MRPL13: variants seen among roughly 807,000 people sequenced by gnomAD.
The protein encoded by MRPL13 is large ribosomal subunit protein uL13m.
A neutral mutation model predicts 29.0 loss-of-function variants in MRPL13; 33 were observed. The observed-to-expected ratio is 1.14, with a 90% CI of 0.86 to 1.52. The LOEUF (loss-of-function observed/expected upper bound fraction) is 1.52. MRPL13 is among the 40% of genes most tolerant of loss of function. The pLI is 0.00. For synonymous variants in MRPL13, 77 were observed against 68.4 expected, an observed-to-expected ratio of 1.13 and a Z score of -0.62; for missense variants, 227 against 216.7, an observed-to-expected ratio of 1.05 and a Z score of -0.30.
intron 2 of MRPL13, among the ~76,000 whole-genome samples, chr8:120,432,554 T>C (rs1813007311): frequency 6.6e-6 from 1 of 152,226 alleles, no homozygotes; most frequent in South Asian, 2.1e-4. Context: ...AAAAAGTATG[T>C]TTTACCTACA....
chr8:120,415,286 C>T (rs891865325), intron 5 of MRPL13: 1 of 151,954 alleles, frequency 6.6e-6, no homozygotes, highest in Non-Finnish European at 1.5e-5. Context: ...AGATATAATT[C>T]CCTCTTCTCA....
At chr8:120,399,424 C>A (rs1267290269) in intron 6 of MRPL13, among the ~76,000 whole-genome samples, 8 of 152,096 alleles carry the variant, frequency 5.3e-5, no homozygotes, top group Non-Finnish European at 1.2e-4. Flanking sequence ...GAAATAAGAT[C>A]TTTTTCAGAC....
At chr8:120,405,109 A>G (rs532240430) in intron 6 of MRPL13, among the ~76,000 whole-genome samples, 2 of 152,336 alleles carry the variant, frequency 1.3e-5, no homozygotes, top group African/African-American at 4.8e-5. Context: ...TCATGGCCAA[A>G]GACTAGATAG....
chr8:120,445,000 T>G (rs1813187353), intron 1 of MRPL13, 68 bp downstream of exon 1: 8 of 1,607,878 alleles, frequency 5.0e-6, no homozygotes, highest in South Asian at 1.1e-5. Flanking sequence ...CTACTTAATC[T>G]GCCGGAACCA....
In MRPL13 at chr8:120,411,136, A is replaced by C. The variant is rs1812735679; in HGVS notation, c.515+2855T>G. On this transcript the variant is annotated intron_variant, in intron 6 of 6. Coordinates refer to ENST00000306185, the MANE Select transcript of MRPL13 (RefSeq NM_014078.6). ...GAGTGCAGTGGCATGATCATGGCTC[A>C]CTGCAGCTGCAAACTCCTGGGCTCA... Among the ~76,000 whole-genome samples, 5 of 151,786 alleles carry C rather than the reference A, an allele frequency of 3.3e-5. No homozygotes were observed. The South Asian group carries it at 1.0e-3, about 32-fold the overall frequency.
In MRPL13 at chr8:120,422,579, TATATATAAAC is replaced by T. The variant is rs532134923; in HGVS notation, c.307-2651_307-2642del. Among the ~76,000 whole-genome samples, 1,135 of 148,466 alleles carry T rather than the reference TATATATAAAC, an allele frequency of 7.6e-3. 16 individuals carry two copies. The highest frequency in any genetic ancestry group is 0.025 in the African/African-American group (1,037 of 40,952). On this transcript the variant is annotated intron_variant, in intron 4 of 6. Coordinates refer to ENST00000306185, the MANE Select transcript of MRPL13 (RefSeq NM_014078.6). ...ATATATGGAAATATATATATAAACA[TATATATAAAC>T]ATATATAAACATATAAATATATATA...
intron 6 of MRPL13, among the ~76,000 whole-genome samples, chr8:120,401,808 G>C (rs1371398492): frequency 6.6e-6 from 1 of 152,032 alleles, no homozygotes; most frequent in Non-Finnish European, 1.5e-5. Context: ...AAAGTCTCAG[G>C]ATACAAAATC....
chr8:120,429,462 C>A (rs1812972696), intron 3 of MRPL13, among the ~76,000 whole-genome samples: 1 of 146,406 alleles, frequency 6.8e-6, no homozygotes, highest in African/African-American at 2.5e-5. Context: ...ACTTATGTAA[C>A]AAACCTGCAC....
At chr8:120,407,804 CA>C (rs1812693219) in intron 6 of MRPL13, among the ~76,000 whole-genome samples, 3 of 152,084 alleles carry the variant, frequency 2.0e-5, no homozygotes, top group Admixed American at 2.0e-4. Context: ...TAATAAATCT[CA>C]AAAAAATTTT....
At chr8:120,416,426 G>A (rs1353248085) in intron 5 of MRPL13, among the ~76,000 whole-genome samples, 3 of 152,096 alleles carry the variant, frequency 2.0e-5, no homozygotes, top group Non-Finnish European at 4.4e-5. Context: ...CCTAGGAGGC[G>A]GAGCTTGCAG....
chr8:120,420,775 A>G (rs1285523504), intron 4 of MRPL13, among the ~76,000 whole-genome samples: 1 of 151,810 alleles, frequency 6.6e-6, no homozygotes, highest in Non-Finnish European at 1.5e-5. Context: ...TATCCTCTGA[A>G]TATTATCATA....
chr8:120,422,099 T>C (rs1294386922), intron 4 of MRPL13, among the ~76,000 whole-genome samples: 1 of 151,698 alleles, frequency 6.6e-6, no homozygotes, highest in Non-Finnish European at 1.5e-5. Context: ...AAATAAATAG[T>C]AAATCATGAA....
At chr8:120,436,441 T>A (rs1464201833) in intron 2 of MRPL13, among the ~76,000 whole-genome samples, 1 of 152,200 alleles carries the variant, frequency 6.6e-6, no homozygotes, top group Non-Finnish European at 1.5e-5. Flanking sequence ...ATATTGAACA[T>A]CTTTTCATGT....
In MRPL13 at chr8:120,432,619, G is replaced by A. The variant is rs372288896; in HGVS notation, c.152-496C>T. On this transcript the variant is annotated intron_variant, in intron 2 of 6. Coordinates refer to ENST00000306185, the MANE Select transcript of MRPL13 (RefSeq NM_014078.6). Reference sequence around the variant, plus strand: ...CAATTATTATTTTTTGCAAATTTAGGGAACAGACTGCTTTGATCTTATTAA... The same window carrying A: ...CAATTATTATTTTTTGCAAATTTAGAGAACAGACTGCTTTGATCTTATTAA... Among the ~76,000 whole-genome samples, 191 of 152,034 alleles carry A rather than the reference G, an allele frequency of 1.3e-3. 1 individual carries two copies. The highest frequency in any genetic ancestry group is 4.4e-3 in the African/African-American group (181 of 41,498).
At chr8:120,399,882 A>T (rs1563769627) in intron 6 of MRPL13, among the ~76,000 whole-genome samples, 1 of 152,194 alleles carries the variant, frequency 6.6e-6, no homozygotes, top group South Asian at 2.1e-4. Flanking sequence ...AACCAAAATT[A>T]AAAAAGACAG....
intron 2 of MRPL13, among the ~76,000 whole-genome samples, chr8:120,437,455 C>T (rs1813067858): frequency 6.6e-6 from 1 of 152,146 alleles, no homozygotes; most frequent in Non-Finnish European, 1.5e-5. Flanking sequence ...TTTAAATACT[C>T]CTATAGTCCT....
intron 6 of MRPL13, among the ~76,000 whole-genome samples, chr8:120,396,586 A>G (rs1476054084): frequency 2.0e-5 from 3 of 152,208 alleles, no homozygotes; most frequent in Non-Finnish European, 2.9e-5. Flanking sequence ...CATATACAAA[A>G]TAAGTGTATA....
At chr8:120,421,610 A>C (rs1013171778) in intron 4 of MRPL13, among the ~76,000 whole-genome samples, 3 of 151,886 alleles carry the variant, frequency 2.0e-5, no homozygotes, top group African/African-American at 7.2e-5. Context: ...CTTTTTCAAA[A>C]CATAGTAAAA....
chr8:120,425,529 A>G (rs1812922924), intron 3 of MRPL13, among the ~76,000 whole-genome samples, 163 bp from the exon 4 acceptor site: 2 of 152,190 alleles, frequency 1.3e-5, no homozygotes, highest in Admixed American at 6.5e-5. Flanking sequence ...TTGAAATGCT[A>G]TTCTCTTAAA....
Sources: gnomAD v4.1 joint callset for allele counts (sites outside exome capture counted in the v4.1 genomes callset) on GRCh38, gnomAD v4.1.1 for gene constraint, MANE v1.5 for transcripts, NCBI Gene and HGNC (gene_info 2026-07-23, HGNC 2026-07-21) for gene names.